Variants in MALRD1 observed in about 807,000 individuals in gnomAD.
MALRD1 encodes MAM and LDL-receptor class A domain-containing protein 1.
Under a neutral mutation model 242.1 loss-of-function variants are expected in MALRD1, and 247 were observed. That is an observed-to-expected ratio of 1.02 (90% CI 0.92 to 1.13). The LOEUF is 1.13. Ranked by LOEUF, MALRD1 falls within the 50% of genes most tolerant of loss-of-function variation. The pLI is 0.00. For missense variants in MALRD1, 2,989 were observed against 2,533.1 expected (o/e 1.18, Z -3.86); for synonymous variants, 995 against 866.6 (o/e 1.15, Z -2.60).
At chr10:19,120,807 C>T (rs1020635619) in intron 5 of MALRD1, among the ~76,000 whole-genome samples, 4 of 152,148 alleles carry the variant, frequency 2.6e-5, no homozygotes, top group Non-Finnish European at 4.4e-5. Flanking sequence ...TGCAGTGGCA[C>T]GATCTCAGTT....
intron 36 of MALRD1, among the ~76,000 whole-genome samples, chr10:19,669,145 A>AT (rs1250847642): frequency 6.6e-6 from 1 of 152,232 alleles, no homozygotes; most frequent in Admixed American, 6.5e-5. Flanking sequence ...AAACTGGAAG[A>AT]TGATAGAGTT....
chr10:19,216,522 A>T (rs1483070122), intron 18 of MALRD1, among the ~76,000 whole-genome samples: 1 of 151,832 alleles, frequency 6.6e-6, no homozygotes, highest in African/African-American at 2.4e-5. Flanking sequence ...TCCTATTTTC[A>T]AGACTTAATA....
rs773209446 is a variant in MALRD1 at position 19,331,409 on chromosome 10, A to G, written c.3728A>G (p.Asp1243Gly). Reference sequence around the variant, plus strand: ...AAACGTGGTATCAGTTACATAGGAGATGTAGCAGTGGATGATATTTCCTTC... The same window carrying G: ...AAACGTGGTATCAGTTACATAGGAGGTGTAGCAGTGGATGATATTTCCTTC... ...RAKRGISYIG[D>G]VAVDDISFQD... The change falls in exon 24 of 40, where the codon GAT becomes GGT. Residue 1243 changes from aspartate (D) to glycine (G), a missense_variant. Asp to Gly is a moderately conservative substitution (Grantham distance 94). Transcript: ENST00000454679. 6.5e-7 allele frequency: 1 copy of G among 1,550,166 alleles called. No individual in the cohort carries two copies. Among genetic ancestry groups the G allele is most frequent in the Non-Finnish European group, 8.7e-7 (1 of 1,146,868 alleles).
At chr10:19,055,601 C>A (rs1834639653) in intron 1 of MALRD1, among the ~76,000 whole-genome samples, 1 of 152,148 alleles carries the variant, frequency 6.6e-6, no homozygotes, top group African/African-American at 2.4e-5. Context: ...ATTTAAGGGT[C>A]CAGTTTCCTT....
intron 18 of MALRD1, among the ~76,000 whole-genome samples, chr10:19,215,947 C>A (rs963432314): frequency 3.3e-5 from 5 of 151,366 alleles, no homozygotes; most frequent in African/African-American, 1.2e-4. Flanking sequence ...TTTTTAAGGC[C>A]TCTCATGTAT....
In MALRD1 at chr10:19,581,669, G is replaced by T. The variant is rs1459104644; in HGVS notation, c.5681-13525G>T. ...AGTCTTTGCTATTGTGAATAATGCC[G>T]CAGTAAACATACGTGTGCATGTGTC... On this transcript the variant is annotated intron_variant, in intron 33 of 39. Coordinates refer to ENST00000454679, the MANE Select transcript of MALRD1 (RefSeq NM_001142308.3). Among the ~76,000 whole-genome samples the T allele has an allele frequency of 8.7e-5, 13 of 148,584 alleles. No individual in the cohort carries two copies. In the South Asian group the frequency reaches 1.8e-3, roughly 20 times the overall value.
intron 21 of MALRD1, among the ~76,000 whole-genome samples, chr10:19,288,581 T>C (rs1466050050): frequency 6.6e-6 from 1 of 152,020 alleles, no homozygotes; most frequent in African/African-American, 2.4e-5. Flanking sequence ...CTGACCTCAT[T>C]TTGTTCTTTG....
chr10:19,192,410 T>C lies in MALRD1; in HGVS notation c.1952-11318T>C, dbSNP rs543165207. On this transcript the variant is annotated intron_variant, in intron 14 of 39. Transcript: ENST00000454679. ...AAGCAAATAAGAAGAGGGCTTGATA[T>C]ACCACTGCTGGTTTAAAGATGTAAG... 3.3e-4 allele frequency among the ~76,000 whole-genome samples: 50 copies of C among 152,280 alleles called. 1 individual carries two copies. In the South Asian group the frequency reaches 8.1e-3, roughly 25 times the overall value.
chr10:19,632,966 T>C (rs1839972357), intron 36 of MALRD1, among the ~76,000 whole-genome samples: 1 of 152,112 alleles, frequency 6.6e-6, no homozygotes, highest in Non-Finnish European at 1.5e-5. Context: ...GCACGGTGGC[T>C]CATGCCTGAA....
intron 24 of MALRD1, among the ~76,000 whole-genome samples, chr10:19,335,659 G>A (rs2130936409): frequency 6.6e-6 from 1 of 152,134 alleles, no homozygotes; most frequent in Admixed American, 6.6e-5. Flanking sequence ...TTTGTTTTGA[G>A]AATTCTAAGT....
At chr10:19,629,080 A>G (rs1839801283) in intron 36 of MALRD1, among the ~76,000 whole-genome samples, 1 of 152,180 alleles carries the variant, frequency 6.6e-6, no homozygotes, top group East Asian at 1.9e-4. Context: ...AGAGTCACAA[A>G]AATGAAAAGC....
At chr10:19,488,766 T>A in intron 29 of MALRD1, 1 of 238,330 alleles carries the variant, frequency 4.2e-6, no homozygotes, top group Non-Finnish European at 8.7e-6. Context: ...TTTGGATTTA[T>A]GTACTAGGTA....
At chr10:19,140,055 A>C (rs1301557676) in intron 10 of MALRD1, among the ~76,000 whole-genome samples, 2 of 152,204 alleles carry the variant, frequency 1.3e-5, no homozygotes, top group African/African-American at 2.4e-5. Flanking sequence ...AATATTTATA[A>C]TGTGTATTTG....
intron 30 of MALRD1, among the ~76,000 whole-genome samples, chr10:19,496,614 T>C (rs1837732009): frequency 6.6e-6 from 1 of 152,174 alleles, no homozygotes; most frequent in South Asian, 2.1e-4. Context: ...TGGAAAGATC[T>C]CAAGTTAACA....
chr10:19,061,523 T>C (rs1834822051), intron 1 of MALRD1, among the ~76,000 whole-genome samples: 1 of 152,116 alleles, frequency 6.6e-6, no homozygotes, highest in African/African-American at 2.4e-5. Context: ...GTAAGAGGTC[T>C]AACACTTCCT....
At chr10:19,662,649 C>T (rs951788308) in intron 36 of MALRD1, among the ~76,000 whole-genome samples, 1 of 152,092 alleles carries the variant, frequency 6.6e-6, no homozygotes, top group East Asian at 1.9e-4. Context: ...AGAGAAAAGT[C>T]AGGTTTTTAA....
At chr10:19,072,391 A>G (rs1275329073) in intron 2 of MALRD1, among the ~76,000 whole-genome samples, 1 of 152,194 alleles carries the variant, frequency 6.6e-6, no homozygotes, top group Non-Finnish European at 1.5e-5. Context: ...ATTTATGAAC[A>G]TGGAAATGTA....
At chr10:19,422,521 T>C (rs1833752509) in intron 28 of MALRD1, among the ~76,000 whole-genome samples, 1 of 152,152 alleles carries the variant, frequency 6.6e-6, no homozygotes, top group Non-Finnish European at 1.5e-5. Context: ...TACTCTGTAT[T>C]GTTTGTGCAT....
intron 10 of MALRD1, among the ~76,000 whole-genome samples, chr10:19,141,200 A>G (rs1029945583): frequency 6.6e-6 from 1 of 152,232 alleles, no homozygotes; most frequent in Non-Finnish European, 1.5e-5. Flanking sequence ...TGAACAGTTT[A>G]TACATGAAAT....
Sources: gnomAD v4.1 joint callset for allele counts (sites outside exome capture counted in the v4.1 genomes callset) on GRCh38, gnomAD v4.1.1 for gene constraint, MANE v1.5 for transcripts, NCBI Gene and HGNC (gene_info 2026-07-23, HGNC 2026-07-21) for gene names.